The following RNF24 variants were observed in gnomAD, a reference collection of about 807,000 sequenced individuals.
RNF24 encodes ring finger protein 24.
A neutral mutation model predicts 20.0 loss-of-function variants in RNF24; 14 were observed. The observed-to-expected ratio is 0.70, with a 90% CI of 0.46 to 1.10. The LOEUF (loss-of-function observed/expected upper bound fraction) is 1.10. RNF24 is among the 50% of genes least tolerant of loss of function. RNF24 has a pLI of 0.00. For missense variants in RNF24, 124 were observed against 177.6 expected (o/e 0.70, Z 1.71); for synonymous variants, 45 against 61.1 (o/e 0.74, Z 1.23).
chr20:3,968,675 T>A (rs972745392), intron 1 of RNF24, among the ~76,000 whole-genome samples: 3 of 152,160 alleles, frequency 2.0e-5, no homozygotes, highest in African/African-American at 7.2e-5. Flanking sequence ...TTATTGAGTA[T>A]CTTTATGACC....
intron 1 of RNF24, among the ~76,000 whole-genome samples, chr20:3,979,404 C>G (rs2147023436): frequency 6.6e-6 from 1 of 152,210 alleles, no homozygotes; most frequent in Non-Finnish European, 1.5e-5. Context: ...GGTGTGGTGG[C>G]TCACAGCTGT....
At chr20:3,956,601 T>C (rs1288070155) in intron 2 of RNF24, among the ~76,000 whole-genome samples, 3 of 152,084 alleles carry the variant, frequency 2.0e-5, no homozygotes, top group Non-Finnish European at 4.4e-5. Flanking sequence ...TTCTAGTTCA[T>C]TGATATCGTG....
chr20:3,961,202 G>A (rs2091198032), intron 2 of RNF24, among the ~76,000 whole-genome samples: 1 of 152,084 alleles, frequency 6.6e-6, no homozygotes, highest in Non-Finnish European at 1.5e-5. Flanking sequence ...AAGAGTTGGA[G>A]ACCAGTCTGG....
intron 4 of RNF24, among the ~76,000 whole-genome samples, chr20:3,938,065 G>A (rs944127533): frequency 6.6e-6 from 1 of 152,120 alleles, no homozygotes; most frequent in South Asian, 2.1e-4. Flanking sequence ...ACCATTTTAC[G>A]TTCCTACCAG....
chr20:3,963,320 G>A (rs936322975), intron 2 of RNF24, among the ~76,000 whole-genome samples: 5 of 152,100 alleles, frequency 3.3e-5, no homozygotes, highest in African/African-American at 1.2e-4. Flanking sequence ...AGCCTCCCAG[G>A]TAGCTGGGAT....
At chr20:3,947,873 C>G (rs919209051) in intron 3 of RNF24, among the ~76,000 whole-genome samples, 1 of 151,974 alleles carries the variant, frequency 6.6e-6, no homozygotes, top group Non-Finnish European at 1.5e-5. Flanking sequence ...ATGGAGAAAC[C>G]CCGTCTCTAC....
chr20:3,947,676 C>T (rs1423931501), intron 3 of RNF24, among the ~76,000 whole-genome samples: 1 of 152,216 alleles, frequency 6.6e-6, no homozygotes, highest in Non-Finnish European at 1.5e-5. Context: ...TAGCATTTCT[C>T]TTTAGCAATC....
chr20:3,930,638 G>A lies in RNF24; in HGVS notation c.*3425C>T, dbSNP rs920846699. The A allele has an allele frequency of 2.6e-5, 4 of 152,288 alleles. No homozygotes were observed. The highest frequency in any genetic ancestry group is 9.7e-5 in the African/African-American group (4 of 41,444). The allele number at this position is 152,288 out of a possible 1,614,324, so 9.4% of individuals were successfully genotyped here. Reference sequence around the variant, plus strand: ...GAGCTCTGGGTATACTGCCCTGGATGTATCAGGATGTATTTCATAATGCCC... The same window carrying A: ...GAGCTCTGGGTATACTGCCCTGGATATATCAGGATGTATTTCATAATGCCC... On this transcript the variant is annotated 3_prime_UTR_variant, in exon 6 of 6. Transcript: ENST00000358395.
chr20:3,961,269 G>A (rs146780371), intron 2 of RNF24, among the ~76,000 whole-genome samples: 189 of 152,126 alleles, frequency 1.2e-3, no homozygotes, highest in African/African-American at 4.3e-3. Flanking sequence ...GGGTGTGGTG[G>A]TGGGTGTCTA....
At chr20:4,010,856 G>A (rs1462632844) in intron 1 of RNF24, among the ~76,000 whole-genome samples, 1 of 152,186 alleles carries the variant, frequency 6.6e-6, no homozygotes, top group Non-Finnish European at 1.5e-5. Flanking sequence ...TCTTGCAGCT[G>A]TGCTCTTAAA....
intron 1 of RNF24, among the ~76,000 whole-genome samples, chr20:3,995,418 T>C (rs1379145382): frequency 2.6e-5 from 4 of 152,186 alleles, no homozygotes; most frequent in Non-Finnish European, 5.9e-5. Context: ...AAACAGACAT[T>C]AGTTTAGCCA....
At chr20:3,940,416 G>GA (rs35857615) in intron 4 of RNF24, among the ~76,000 whole-genome samples, 18,897 of 142,728 alleles carry the variant, frequency 0.13, 1,423 homozygotes, top group Non-Finnish European at 0.18. Flanking sequence ...AAAAATTACT[G>GA]AAAAAAAAAA....
At chr20:3,938,915 AT>A (rs951991258) in intron 4 of RNF24, among the ~76,000 whole-genome samples, 40 of 146,636 alleles carry the variant, frequency 2.7e-4, no homozygotes, top group South Asian at 1.5e-3. Flanking sequence ...CACCCAACTA[AT>A]TTTTTTTTTT....
At chr20:3,991,746 T>C (rs1280450125) in intron 1 of RNF24, among the ~76,000 whole-genome samples, 1 of 152,142 alleles carries the variant, frequency 6.6e-6, no homozygotes, top group Non-Finnish European at 1.5e-5. Flanking sequence ...TAAATCAGCA[T>C]TTGCTTAGAT....
At chr20:3,984,903 G>A (rs1979749708) in intron 1 of RNF24, among the ~76,000 whole-genome samples, 1 of 151,708 alleles carries the variant, frequency 6.6e-6, no homozygotes, top group South Asian at 2.1e-4. Flanking sequence ...TACCAAATCT[G>A]GAAATAAGTA....
intron 3 of RNF24, among the ~76,000 whole-genome samples, chr20:3,946,856 A>G (rs1360056633): frequency 6.6e-6 from 1 of 152,108 alleles, no homozygotes. Context: ...TGTGCCAGTG[A>G]GCTCAGATTT....
chr20:3,966,469 AGTGTGTGTGTGTGT>A (rs72006955), intron 1 of RNF24, among the ~76,000 whole-genome samples: 1 of 129,232 alleles, frequency 7.7e-6, no homozygotes, highest in Non-Finnish European at 1.7e-5. Flanking sequence ...TTAAGGCTTT[AGTGTGTGTGTGTGT>A]GTGTGTGTGT....
At chr20:4,013,236 T>C (rs752114457) in intron 1 of RNF24, among the ~76,000 whole-genome samples, 1 of 152,038 alleles carries the variant, frequency 6.6e-6, no homozygotes, top group Admixed American at 6.5e-5. Context: ...CCATGGAAAA[T>C]TTCCCCTTCA....
intron 1 of RNF24, among the ~76,000 whole-genome samples, chr20:3,998,720 T>C (rs1256108002): frequency 1.4e-5 from 2 of 147,004 alleles, no homozygotes; most frequent in East Asian, 4.2e-4. Flanking sequence ...CACGCCATTG[T>C]ACTCTAGCCT....
Sources: allele counts gnomAD v4.1 joint callset (sites outside exome capture counted in the v4.1 genomes callset), GRCh38; gene constraint gnomAD v4.1.1; transcripts MANE v1.5; gene names NCBI Gene and HGNC (gene_info 2026-07-23, HGNC 2026-07-21).